The following MOXD1 variants were observed in gnomAD, a reference collection of about 807,000 sequenced individuals.
MOXD1 encodes the protein monooxygenase DBH like 1.
A neutral mutation model predicts 66.6 loss-of-function variants in MOXD1; 62 were observed. The ratio of observed to expected loss-of-function variants is 0.93; its 90% confidence interval spans 0.76 to 1.15. The LOEUF is 1.15. MOXD1 is among the 50% of genes most tolerant of loss of function. The pLI is 0.00. For missense variants in MOXD1, 847 were observed against 754.6 expected, an observed-to-expected ratio of 1.12 and a Z score of -1.44; for synonymous variants, 303 against 281.9, an observed-to-expected ratio of 1.07 and a Z score of -0.75.
chr6:132,383,139 G>A (rs1046407588), intron 1 of MOXD1, among the ~76,000 whole-genome samples: 14 of 152,136 alleles, frequency 9.2e-5, no homozygotes, highest in East Asian at 3.9e-4. Context: ...CAAAAGCCTC[G>A]TTACTTCAAA....
At chr6:132,326,717 AG>A (rs1775195087) in intron 6 of MOXD1, among the ~76,000 whole-genome samples, 2 of 152,128 alleles carry the variant, frequency 1.3e-5, no homozygotes, top group Admixed American at 1.3e-4. Context: ...CATGGTTCAG[AG>A]TATGGGATAT....
rs756376934 is a variant in MOXD1, at chr6:132,401,395, C to A, written c.32G>T (p.Gly11Val). 1 of 1,529,234 alleles carries A rather than the reference C, an allele frequency of 6.5e-7. No homozygotes were observed. The highest frequency in any genetic ancestry group is 2.5e-5 in the East Asian group (1 of 39,276). The allele number at this position is 1,529,234 out of a possible 1,614,324, so 94.7% of individuals were successfully genotyped here. MCCWPLLLLW[G>V]LLPGTAAGGS... The stretch of plus-strand genomic sequence containing the variant: ...CCCCGCCGCCGTCCCGGGGAGCAGC[C>A]CCCACAGCAGGAGCAGCGGCCAGCA... Residue 11 changes from glycine (G) to valine (V), a missense_variant, in exon 1 of 12, where the codon GGG (glycine) becomes GTG (valine). Coordinates refer to ENST00000367963, the MANE Select transcript of MOXD1 (RefSeq NM_015529.4).
intron 9 of MOXD1, among the ~76,000 whole-genome samples, chr6:132,317,214 A>T (rs1582566617): frequency 6.6e-6 from 1 of 152,182 alleles, no homozygotes; most frequent in Non-Finnish European, 1.5e-5. Context: ...TTTCGAAAAC[A>T]AAGGTGAAAA....
rs1775105585 is a variant in MOXD1, at chr6:132,322,818, T to C, written c.1166A>G (p.His389Arg). 3 of 1,614,094 alleles carry C rather than the reference T, an allele frequency of 1.9e-6. No individual in the cohort carries two copies. The highest frequency in any genetic ancestry group is 2.5e-6 in the Non-Finnish European group (3 of 1,179,986). ...GATGCCTCTGCCAGCCAGGTGAGCATGGAGAAGAACAGCAAACACATGAAT... is the reference window on the plus strand; with the variant it reads ...GATGCCTCTGCCAGCCAGGTGAGCACGGAGAAGAACAGCAAACACATGAAT... The part of the protein sequence containing the change: ...SGIHVFAVLL[H>R]AHLAGRGIRL... The change falls in exon 8 of 12, where the codon CAT (histidine) becomes CGT (arginine). Residue 389 changes from histidine (H) to arginine (R), a missense_variant. His to Arg is a conservative substitution (Grantham distance 29). Coordinates refer to ENST00000367963, the MANE Select transcript of MOXD1 (RefSeq NM_015529.4).
intron 4 of MOXD1, among the ~76,000 whole-genome samples, chr6:132,358,154 G>A (rs567163902): frequency 4.6e-5 from 7 of 152,238 alleles, no homozygotes; most frequent in South Asian, 2.1e-4. Flanking sequence ...GGTAGAGCCC[G>A]GATTTGAAAT....
chr6:132,333,335 CAAA>C (rs35163669), intron 4 of MOXD1, among the ~76,000 whole-genome samples: 5 of 72,482 alleles, frequency 6.9e-5, no homozygotes, highest in African/African-American at 5.0e-5. Context: ...GACTCCGTCT[CAAA>C]AAAAAAAAAA....
At chr6:132,381,841 C>T (rs1448951882) in intron 1 of MOXD1, among the ~76,000 whole-genome samples, 1 of 152,110 alleles carries the variant, frequency 6.6e-6, no homozygotes, top group Non-Finnish European at 1.5e-5. Context: ...CTGTATAGTA[C>T]TTAACAGATA....
chr6:132,328,680 A>ATG, intron 4 of MOXD1, 86 bp from the exon 5 acceptor site: 1 of 1,257,330 alleles, frequency 8.0e-7, no homozygotes, highest in Non-Finnish European at 1.1e-6. Flanking sequence ...AGCATAAATT[A>ATG]CTGTCAGTTT....
At chr6:132,377,506 C>G (rs1314284074) in intron 1 of MOXD1, among the ~76,000 whole-genome samples, 1 of 152,190 alleles carries the variant, frequency 6.6e-6, no homozygotes. Flanking sequence ...TCCACTCATT[C>G]TATTTCCACT....
intron 11 of MOXD1, among the ~76,000 whole-genome samples, chr6:132,297,535 G>T (rs1365882429): frequency 6.6e-6 from 1 of 152,106 alleles, no homozygotes; most frequent in Non-Finnish European, 1.5e-5. Context: ...AGGCTCTATT[G>T]CTTTTTGCAG....
chr6:132,347,655 C>T (rs879318234), intron 4 of MOXD1, among the ~76,000 whole-genome samples: 19 of 147,352 alleles, frequency 1.3e-4, no homozygotes, highest in African/African-American at 3.8e-4. Flanking sequence ...CCAGCCTGTG[C>T]GACAGAGTGT....
At chr6:132,331,269 C>T (rs1775311812) in intron 4 of MOXD1, among the ~76,000 whole-genome samples, 1 of 152,072 alleles carries the variant, frequency 6.6e-6, no homozygotes, top group Non-Finnish European at 1.5e-5. Context: ...TGCTAAATAC[C>T]TCATAAATTC....
At chr6:132,380,265 C>A (rs1313228889) in intron 1 of MOXD1, among the ~76,000 whole-genome samples, 1 of 152,162 alleles carries the variant, frequency 6.6e-6, no homozygotes, top group Non-Finnish European at 1.5e-5. Flanking sequence ...GTATATAGTA[C>A]AAAGTCTATA....
At chr6:132,310,854 G>A (rs1186887879) in intron 10 of MOXD1, among the ~76,000 whole-genome samples, 1 of 152,084 alleles carries the variant, frequency 6.6e-6, no homozygotes, top group Non-Finnish European at 1.5e-5. Context: ...TGGGGGATGG[G>A]GGGTGAAGGG....
chr6:132,328,237 G>A lies in MOXD1; in HGVS notation c.844-122C>T, dbSNP rs1775231825. 3.3e-6 allele frequency: 4 copies of A among 1,201,186 alleles called. No homozygotes were observed. In the Admixed American group the frequency reaches 1.0e-4, roughly 31 times the overall value. The allele number at this position is 1,201,186 out of a possible 1,614,324, so 74.4% of individuals were successfully genotyped here. A position where few individuals can be genotyped will look rare whatever the true frequency, so the allele number is the denominator to read the frequency against. Reference sequence around the variant, plus strand: ...TCTGGAACCCCATTCATCTACAATTGATGAAATAAAATAAAAATGACTTAA... The same window carrying A: ...TCTGGAACCCCATTCATCTACAATTAATGAAATAAAATAAAAATGACTTAA... On this transcript the variant is annotated intron_variant, in intron 5 of 11. Transcript: ENST00000367963.
At chr6:132,333,309 C>T (rs935770948) in intron 4 of MOXD1, among the ~76,000 whole-genome samples, 1 of 132,954 alleles carries the variant, frequency 7.5e-6, no homozygotes, top group Non-Finnish European at 1.5e-5. Context: ...GCACTCCAGC[C>T]TGGGCTACAG....
At chr6:132,333,422 T>C (rs1490196521) in intron 4 of MOXD1, among the ~76,000 whole-genome samples, 3 of 151,854 alleles carry the variant, frequency 2.0e-5, no homozygotes, top group African/African-American at 7.3e-5. Flanking sequence ...ACTTCACACA[T>C]TCACATTATT....
Position 132,341,500 on chromosome 6 carries a change from G to A in MOXD1, c.664-12906C>T, listed in dbSNP as rs140451513. Among the ~76,000 whole-genome samples the A allele has an allele frequency of 5.6e-3, 857 of 152,216 alleles. 10 individuals carry two copies. The highest frequency in any genetic ancestry group is 0.019 in the African/African-American group (802 of 41,544). ...CCCAAGCAGATGATCTTCCCAAATC[G>A]CACTTTTCACCTTGTTAATCTGACC... On this transcript the variant is annotated intron_variant, in intron 4 of 11. Transcript: ENST00000367963.
At chr6:132,302,344 G>A (rs1193585421) in intron 10 of MOXD1, among the ~76,000 whole-genome samples, 2 of 152,104 alleles carry the variant, frequency 1.3e-5, no homozygotes, top group Non-Finnish European at 2.9e-5. Context: ...TGTTGTCTAT[G>A]TCTAGTCAAA....
Sources: gnomAD v4.1 joint callset for allele counts (sites outside exome capture counted in the v4.1 genomes callset) on GRCh38, gnomAD v4.1.1 for gene constraint, MANE v1.5 for transcripts, NCBI Gene and HGNC (gene_info 2026-07-23, HGNC 2026-07-21) for gene names.